PAXIP1: variants seen among roughly 807,000 people sequenced by gnomAD.
PAXIP1 encodes PAX interacting protein 1.
A neutral mutation model predicts 140.6 loss-of-function variants in PAXIP1; 19 were observed. The observed-to-expected ratio is 0.14, with a 90% CI of 0.09 to 0.20. The LOEUF (loss-of-function observed/expected upper bound fraction) is 0.20. Among genes scored for constraint, PAXIP1 ranks in the 10% least tolerant of loss-of-function variants. The pLI is 1.00. For missense variants in PAXIP1, 920 were observed against 1,208.6 expected, an observed-to-expected ratio of 0.76 and a Z score of 3.54; for synonymous variants, 442 against 444.6, an observed-to-expected ratio of 0.99 and a Z score of 0.07.
At chr7:154,996,293 A>C (rs180998460) in intron 2 of PAXIP1, among the ~76,000 whole-genome samples, 2 of 152,368 alleles carry the variant, frequency 1.3e-5, no homozygotes, top group East Asian at 3.9e-4. Context: ...GTCCCTGGAC[A>C]ATACAGGTGC....
At chr7:154,989,532 T>G (rs1336193647) in intron 4 of PAXIP1, among the ~76,000 whole-genome samples, 3 of 152,188 alleles carry the variant, frequency 2.0e-5, no homozygotes, top group Non-Finnish European at 4.4e-5. Flanking sequence ...CATCCTACAG[T>G]GCACTTTCAC....
intron 1 of PAXIP1, chr7:155,002,165 C>T (rs537947110): frequency 2.0e-5 from 3 of 152,388 alleles, no homozygotes; most frequent in South Asian, 2.1e-4. Flanking sequence ...CCACAATATC[C>T]TTTGGCGTGA....
chr7:154,982,494 G>T (rs1809888885), intron 5 of PAXIP1, among the ~76,000 whole-genome samples: 1 of 152,204 alleles, frequency 6.6e-6, no homozygotes, highest in Non-Finnish European at 1.5e-5. Context: ...GGGATTACAA[G>T]CACATGCCAC....
At chr7:154,990,177 G>A (rs1223084731) in intron 4 of PAXIP1, among the ~76,000 whole-genome samples, 8 of 151,710 alleles carry the variant, frequency 5.3e-5, no homozygotes, top group East Asian at 1.9e-4. Context: ...AAGTAGCTGC[G>A]ATTACAGGTG....
chr7:154,976,886 A>G (rs1450957476), intron 5 of PAXIP1, among the ~76,000 whole-genome samples: 2 of 152,246 alleles, frequency 1.3e-5, no homozygotes, highest in Non-Finnish European at 2.9e-5. Context: ...GGATGCAACA[A>G]GTCTCTGACC....
chr7:154,943,875 A>T lies in PAXIP1; in HGVS notation c.*274T>A. On this transcript the variant is annotated 3_prime_UTR_variant, in exon 21 of 21. Transcript: ENST00000404141. ...TTGAAGTCCCGTAACAGTTTTGTGA[A>T]AACATTTAAAAACCTGGCAAATGAA... is the stretch of plus-strand genomic sequence containing the variant. 2.4e-6 allele frequency: 1 copy of T among 413,702 alleles called. No individual in the cohort carries two copies. Among genetic ancestry groups the T allele is most frequent in the East Asian group, 4.2e-5 (1 of 23,644 alleles). The allele number at this position is 413,702 out of a possible 1,614,324, so 25.6% of individuals were successfully genotyped here.
In PAXIP1 at chr7:154,968,594, T is replaced by C. The variant is rs1272731278; in HGVS notation, c.1607A>G (p.Gln536Arg). The change falls in exon 7 of 21, where the codon CAG (glutamine) becomes CGG (arginine). Residue 536 changes from glutamine to arginine, a missense_variant. Physicochemically the swap from Gln to Arg is conservative, Grantham distance 43 (BLOSUM62 1). This residue lies in a region of PAXIP1 where 133 missense variants were observed against 88.4 expected (regional missense o/e 1.50). Coordinates refer to ENST00000404141, the MANE Select transcript of PAXIP1 (RefSeq NM_007349.4). ...QQQQQQIQQQ[Q>R]LQRMHQQQQQ... ...CTGCTGCTGGTGCATGCGCTGGAGC[T>C]GCTGCTGCTGAATCTGCTGTTGCTG... 1 of 716,722 alleles carries C rather than the reference T, an allele frequency of 1.4e-6. No homozygotes were observed. The highest frequency in any genetic ancestry group is 2.7e-5 in the East Asian group (1 of 37,198). 44.4% of individuals were successfully genotyped at this position (716,722 alleles called of 1,614,324 possible).
chr7:154,981,332 T>C (rs999694489), intron 5 of PAXIP1, among the ~76,000 whole-genome samples: 3 of 152,332 alleles, frequency 2.0e-5, no homozygotes, highest in African/African-American at 4.8e-5. Flanking sequence ...AAATCTGCTT[T>C]TAACAAATAT....
Position 154,963,874 on chromosome 7 carries a change from T to C in PAXIP1, c.1894-108A>G, listed in dbSNP as rs1808879863. 6.8e-6 allele frequency: 5 copies of C among 738,110 alleles called. No individual in the cohort carries two copies. The highest frequency in any genetic ancestry group is 2.7e-5 in the East Asian group (1 of 36,826). The allele number at this position is 738,110 out of a possible 1,614,324, so 45.7% of individuals were successfully genotyped here. On this transcript the variant is annotated intron_variant, in intron 8 of 20. Transcript: ENST00000404141. This position sits in a 1 kb window ranked among gnomAD's most constrained non-coding sequence, Gnocchi z 4.1. ...AAGACTCTATCATATATTTATATCATGTATTTCCTCAAAGTATCAAGGACA... is the reference window on the plus strand; with the variant it reads ...AAGACTCTATCATATATTTATATCACGTATTTCCTCAAAGTATCAAGGACA...
At chr7:154,969,767 C>T (rs1348373204) in intron 6 of PAXIP1, among the ~76,000 whole-genome samples, 1 of 152,198 alleles carries the variant, frequency 6.6e-6, no homozygotes, top group Non-Finnish European at 1.5e-5. Flanking sequence ...GCTATGTGCA[C>T]TGGCATGCTA....
intron 10 of PAXIP1, among the ~76,000 whole-genome samples, chr7:154,962,038 C>T (rs1251018048): frequency 6.6e-6 from 1 of 152,172 alleles, no homozygotes; most frequent in East Asian, 1.9e-4. Context: ...CAACAGGGGC[C>T]GCCTTTGGTG....
chr7:154,961,750 T>C (rs1430586376), intron 10 of PAXIP1, 102 bp from the exon 11 acceptor site: 7 of 1,010,552 alleles, frequency 6.9e-6, no homozygotes, highest in African/African-American at 3.2e-5. Flanking sequence ...TTTTCACTAT[T>C]TCTTTGGCAT....
intron 5 of PAXIP1, among the ~76,000 whole-genome samples, chr7:154,977,942 TCGAACGCAGACCAAAC>T (rs1231499540): frequency 8.1e-6 from 1 of 123,910 alleles, no homozygotes; most frequent in Non-Finnish European, 1.9e-5. Flanking sequence ...ATGTACATTT[TCGAACGCAGACCAAAC>T]TTTTTAATGT....
chr7:154,953,372 T>C (rs946735222), intron 16 of PAXIP1, among the ~76,000 whole-genome samples: 1 of 152,240 alleles, frequency 6.6e-6, no homozygotes, highest in Admixed American at 6.5e-5. Flanking sequence ...ATCAATATCA[T>C]TGCTACATGA....
At chr7:154,982,216 A>C (rs1809870488) in intron 5 of PAXIP1, among the ~76,000 whole-genome samples, 1 of 152,242 alleles carries the variant, frequency 6.6e-6, no homozygotes, top group Non-Finnish European at 1.5e-5. Flanking sequence ...TCACATGATA[A>C]ATTTTATATA....
intron 2 of PAXIP1, among the ~76,000 whole-genome samples, chr7:154,994,833 GT>G (rs1483841658): frequency 1.3e-5 from 2 of 152,164 alleles, no homozygotes; most frequent in African/African-American, 4.8e-5. Context: ...TTTACCAAAG[GT>G]TTTAACTAAG....
chr7:154,975,524 AC>A (rs1809530191), intron 6 of PAXIP1, among the ~76,000 whole-genome samples, 171 bp downstream of exon 6: 1 of 668 alleles, frequency 1.5e-3, no homozygotes, highest in Admixed American at 0.019. Flanking sequence ...ATATACACAT[AC>A]ACACACACAC....
chr7:154,961,449 A>G, intron 11 of PAXIP1, 78 bp downstream of exon 11: 2 of 1,236,294 alleles, frequency 1.6e-6, no homozygotes, highest in East Asian at 5.0e-5. Flanking sequence ...TGACATACTA[A>G]AAAAGGCACA....
intron 1 of PAXIP1, 135 bp downstream of exon 1, chr7:155,002,714 C>A: frequency 2.6e-6 from 1 of 383,048 alleles, no homozygotes; most frequent in South Asian, 1.0e-4. Context: ...TCAGCGCAGT[C>A]AGGCCAGCGG....
Sources: allele counts gnomAD v4.1 joint callset (sites outside exome capture counted in the v4.1 genomes callset), GRCh38; gene constraint gnomAD v4.1.1; regional missense constraint gnomAD v4.1.1; non-coding constraint Gnocchi (gnomAD v3.1); transcripts MANE v1.5; gene names NCBI Gene and HGNC (gene_info 2026-07-23, HGNC 2026-07-21).